COG5: variants seen among roughly 807,000 people sequenced by gnomAD.
COG5 encodes the protein conserved oligomeric Golgi complex subunit 5.
A neutral mutation model predicts 110.4 loss-of-function variants in COG5; 86 were observed. The ratio of observed to expected loss-of-function variants is 0.78; its 90% confidence interval spans 0.65 to 0.93. The LOEUF (loss-of-function observed/expected upper bound fraction) is 0.93, where lower values mean the gene tolerates loss of function less well. COG5 is among the 40% of genes least tolerant of loss of function. The probability of loss-of-function intolerance (pLI) is 0.00; values close to 1 mark genes in which losing one functional copy is unlikely to be tolerated. For synonymous variants in COG5, 360 were observed against 334.6 expected (o/e 1.08, Z -0.83); for missense variants, 1,077 against 987.0 (o/e 1.09, Z -1.22).
chr7:107,295,060 CACACACATATATATATATATATAT>C (rs1806585163), intron 12 of COG5, among the ~76,000 whole-genome samples: 1 of 56,392 alleles, frequency 1.8e-5, no homozygotes, highest in Non-Finnish European at 2.9e-5. Flanking sequence ...CACACACACA[CACACACATATATATATATATATAT>C]ATATATATAT....
intron 6 of COG5, among the ~76,000 whole-genome samples, chr7:107,504,013 A>T (rs960194145): frequency 3.9e-5 from 6 of 152,028 alleles, no homozygotes; most frequent in Admixed American, 3.9e-4. Flanking sequence ...TCTGACTAGG[A>T]CTAGGACTTC....
chr7:107,404,736 T>TA (rs907165480), intron 7 of COG5, among the ~76,000 whole-genome samples: 2 of 150,986 alleles, frequency 1.3e-5, no homozygotes, highest in South Asian at 2.1e-4. Flanking sequence ...TCTAAGAAAA[T>TA]AAAAAATAGG....
intron 6 of COG5, among the ~76,000 whole-genome samples, chr7:107,456,030 C>T (rs1380910117): frequency 6.6e-6 from 1 of 151,988 alleles, no homozygotes; most frequent in Non-Finnish European, 1.5e-5. Flanking sequence ...AACTCCTGAC[C>T]TCAAGTGATC....
At chr7:107,379,723 C>T (rs187277004) in intron 7 of COG5, among the ~76,000 whole-genome samples, 17 of 151,848 alleles carry the variant, frequency 1.1e-4, no homozygotes, top group Admixed American at 8.5e-4. Context: ...TGCAACAAGA[C>T]GAGCTAACTA....
intron 12 of COG5, among the ~76,000 whole-genome samples, chr7:107,289,381 A>G (rs542631558): frequency 2.8e-4 from 42 of 152,274 alleles, no homozygotes; most frequent in African/African-American, 9.6e-4. Flanking sequence ...GCCAGGCAGT[A>G]CTATACCATA....
At position 107,514,329 on chromosome 7, in the gene COG5, TACACACACAC is replaced by T. The variant is rs61351697; in HGVS notation, c.538+12898_538+12907del. 2.6e-3 allele frequency among the ~76,000 whole-genome samples: 372 copies of T among 145,716 alleles called. 3 individuals are homozygous for T. Among genetic ancestry groups the T allele is most frequent in the African/African-American group, 2.3e-3 (90 of 39,966 alleles). The stretch of plus-strand genomic sequence containing the variant: ...TTTTCTATATAAACATGGCCTATTT[TACACACACAC>T]ACACACACACACACACACACACACA... On this transcript the variant is annotated intron_variant, in intron 6 of 21. Transcript: ENST00000297135.
At chr7:107,523,903 ACCATATGATCTAGACATT>A (rs1800534197) in intron 6 of COG5, among the ~76,000 whole-genome samples, 1 of 152,184 alleles carries the variant, frequency 6.6e-6, no homozygotes, top group Admixed American at 6.5e-5. Context: ...ACATATACCT[ACCATATGATCTAGACATT>A]CCAATCCTAG....
chr7:107,331,488 T>A (rs1197966484), intron 10 of COG5, among the ~76,000 whole-genome samples: 1 of 151,234 alleles, frequency 6.6e-6, no homozygotes, highest in Non-Finnish European at 1.5e-5. Flanking sequence ...AAAAAGAAAA[T>A]CACTCTGATA....
At position 107,381,818 on chromosome 7, in the gene COG5, T is replaced by C. The variant is rs148659217; in HGVS notation, c.670-9058A>G. On this transcript the variant is annotated intron_variant, in intron 7 of 21. Transcript: ENST00000297135. Reference sequence around the variant, plus strand: ...AATATTGCTGACCTTTGTTTTGTTTTTCAGAGTCAAGGAAACTTATTTTAT... The same window carrying C: ...AATATTGCTGACCTTTGTTTTGTTTCTCAGAGTCAAGGAAACTTATTTTAT... 2.0e-5 allele frequency among the ~76,000 whole-genome samples: 3 copies of C among 152,328 alleles called. No homozygotes were observed. The East Asian group carries it at 5.8e-4, about 29-fold the overall frequency.
chr7:107,343,285 G>C (rs1811320671), intron 10 of COG5, among the ~76,000 whole-genome samples: 1 of 152,012 alleles, frequency 6.6e-6, no homozygotes, highest in Non-Finnish European at 1.5e-5. Flanking sequence ...CCTGGGGATG[G>C]GATCATTTAT....
chr7:107,532,288 C>T (rs1186805971), intron 5 of COG5, among the ~76,000 whole-genome samples: 1 of 152,130 alleles, frequency 6.6e-6, no homozygotes, highest in African/African-American at 2.4e-5. Context: ...AACTCCTGAC[C>T]TCATGTGATC....
intron 10 of COG5, among the ~76,000 whole-genome samples, chr7:107,332,933 A>G (rs1245656949): frequency 6.6e-6 from 1 of 152,200 alleles, no homozygotes; most frequent in Non-Finnish European, 1.5e-5. Flanking sequence ...CTAAGCCTGA[A>G]AAAGAAGCAG....
At chr7:107,374,493 G>A (rs1814460227) in intron 7 of COG5, among the ~76,000 whole-genome samples, 1 of 152,016 alleles carries the variant, frequency 6.6e-6, no homozygotes, top group Admixed American at 6.6e-5. Context: ...GTTATCAGCT[G>A]AATGTACGCT....
intron 7 of COG5, among the ~76,000 whole-genome samples, chr7:107,382,568 G>A (rs949721763): frequency 5.3e-5 from 8 of 152,056 alleles, no homozygotes; most frequent in Non-Finnish European, 7.4e-5. Flanking sequence ...CTTCCCAGTA[G>A]CTGGGAATAT....
chr7:107,531,670 CTTT>C (rs111284238), intron 5 of COG5, among the ~76,000 whole-genome samples: 1 of 137,002 alleles, frequency 7.3e-6, no homozygotes, highest in Non-Finnish European at 1.6e-5. Context: ...TGGGGTTTTG[CTTT>C]TTTTTTTTTT....
chr7:107,354,152 T>C (rs1812417225), intron 10 of COG5, among the ~76,000 whole-genome samples: 1 of 152,226 alleles, frequency 6.6e-6, no homozygotes, highest in Non-Finnish European at 1.5e-5. Flanking sequence ...TAACTCACTT[T>C]AGTAAAGTGA....
At chr7:107,408,917 G>C (rs368547202) in intron 7 of COG5, among the ~76,000 whole-genome samples, 11 of 151,960 alleles carry the variant, frequency 7.2e-5, no homozygotes, top group Non-Finnish European at 1.2e-4. Flanking sequence ...TCTTTTTCTT[G>C]AGCCCTCCCA....
chr7:107,217,288 G>A (rs570997273), intron 19 of COG5, among the ~76,000 whole-genome samples: 1 of 152,208 alleles, frequency 6.6e-6, no homozygotes, highest in Non-Finnish European at 1.5e-5. Flanking sequence ...GGACCTGATG[G>A]CTCCACAGGT....
chr7:107,431,029 A>G (rs1201318559), intron 6 of COG5, among the ~76,000 whole-genome samples: 1 of 152,166 alleles, frequency 6.6e-6, no homozygotes, highest in Admixed American at 6.5e-5. Context: ...AACAAAACCA[A>G]AAACAAACAA....
Sources: gnomAD v4.1 joint callset for allele counts (sites outside exome capture counted in the v4.1 genomes callset) on GRCh38, gnomAD v4.1.1 for gene constraint, MANE v1.5 for transcripts, NCBI Gene and HGNC (gene_info 2026-07-23, HGNC 2026-07-21) for gene names.